The following STXBP5L variants were observed in gnomAD, a reference collection of about 807,000 sequenced individuals.
The protein encoded by STXBP5L is syntaxin binding protein 5L.
A neutral mutation model predicts 144.5 loss-of-function variants in STXBP5L; 65 were observed. That is an observed-to-expected ratio of 0.45 (90% CI 0.37 to 0.55). The LOEUF (loss-of-function observed/expected upper bound fraction) is 0.55, where lower values mean the gene tolerates loss of function less well. Ranked by LOEUF, STXBP5L falls within the 20% of genes least tolerant of loss-of-function variation. The pLI, the probability that STXBP5L is intolerant of heterozygous loss-of-function variation, is 0.00. For synonymous variants in STXBP5L, 505 were observed against 469.6 expected (o/e 1.08, Z -0.97); for missense variants, 1,298 against 1,405.5 (o/e 0.92, Z 1.22).
chr3:121,380,817 C>T (rs577017756), intron 21 of STXBP5L, among the ~76,000 whole-genome samples: 2 of 152,062 alleles, frequency 1.3e-5, no homozygotes, highest in Admixed American at 6.6e-5. Flanking sequence ...ATATGTTTGC[C>T]GCAGAAGATT....
chr3:121,193,445 C>A (rs533036540), intron 9 of STXBP5L, among the ~76,000 whole-genome samples: 1 of 150,546 alleles, frequency 6.6e-6, no homozygotes, highest in East Asian at 2.1e-4. Context: ...CTAGAAATAC[C>A]ATTTGACCCA....
At position 121,244,572 on chromosome 3, in the gene STXBP5L, C is replaced by T. The variant is rs142914360; in HGVS notation, c.1400+4065C>T. On this transcript the variant is annotated intron_variant, in intron 14 of 26. Transcript: ENST00000471454. ...GAGGAAAGAAATGGAAATTCAAATT[C>T]AAGAAGCTTAAACAAGTCCAATAAT... Among the ~76,000 whole-genome samples the T allele has an allele frequency of 3.1e-3, 464 of 151,950 alleles. 2 individuals carry two copies. Among genetic ancestry groups the T allele is most frequent in the Middle Eastern group, 0.01 (3 of 292 alleles).
At chr3:121,309,102 A>T (rs1202666624) in intron 19 of STXBP5L, among the ~76,000 whole-genome samples, 7 of 152,138 alleles carry the variant, frequency 4.6e-5, no homozygotes, top group Non-Finnish European at 8.8e-5. Context: ...GATCAAAAAA[A>T]AACATGAGAC....
chr3:121,058,257 A>C (rs1948592618), intron 5 of STXBP5L, among the ~76,000 whole-genome samples: 1 of 152,170 alleles, frequency 6.6e-6, no homozygotes, highest in South Asian at 2.1e-4. Context: ...TAGTTTGCTG[A>C]GAATCGTGGT....
chr3:121,023,119 G>A (rs1945681300), intron 3 of STXBP5L, among the ~76,000 whole-genome samples: 1 of 151,546 alleles, frequency 6.6e-6, no homozygotes. Flanking sequence ...ACCAAGTTGA[G>A]AATGAAATCA....
chr3:121,162,053 A>C (rs2108021705), intron 9 of STXBP5L, among the ~76,000 whole-genome samples: 1 of 152,296 alleles, frequency 6.6e-6, no homozygotes, highest in South Asian at 2.1e-4. Flanking sequence ...TACACAAAAC[A>C]AACAAAATAT....
At position 121,346,521 on chromosome 3, in the gene STXBP5L, C is replaced by T. The variant is rs561528079; in HGVS notation, c.2176+27981C>T. 8.9e-4 allele frequency among the ~76,000 whole-genome samples: 136 copies of T among 152,240 alleles called. No individual in the cohort carries two copies. In the Middle Eastern group the frequency reaches 0.01, roughly 11 times the overall value. On this transcript the variant is annotated intron_variant, in intron 20 of 26. Transcript: ENST00000471454. ...TTCTAGTACTAGATCCCTGAGGAAT[C>T]GCCACACTGTCTTCCACAATGGTTG...
chr3:121,238,272 G>T (rs1401567164), intron 12 of STXBP5L, among the ~76,000 whole-genome samples: 1 of 152,140 alleles, frequency 6.6e-6, no homozygotes, highest in Non-Finnish European at 1.5e-5. Context: ...ATGGTGAAAG[G>T]TGAAGCGGGG....
At chr3:120,980,564 C>T (rs1224033038) in intron 3 of STXBP5L, among the ~76,000 whole-genome samples, 1 of 150,084 alleles carries the variant, frequency 6.7e-6, no homozygotes, top group Non-Finnish European at 1.5e-5. Flanking sequence ...ATATCTGTTT[C>T]TACTTTTTGA....
At chr3:121,336,929 A>G (rs1488177445) in intron 20 of STXBP5L, among the ~76,000 whole-genome samples, 1 of 152,194 alleles carries the variant, frequency 6.6e-6, no homozygotes, top group African/African-American at 2.4e-5. Flanking sequence ...CATAAAAAAG[A>G]ATGAGATCAT....
intron 7 of STXBP5L, among the ~76,000 whole-genome samples, chr3:121,125,981 TC>T (rs2044687729): frequency 6.6e-6 from 1 of 152,162 alleles, no homozygotes; most frequent in South Asian, 2.1e-4. Flanking sequence ...TTTGGAGATT[TC>T]TTGCAAGACC....
At chr3:121,084,976 T>A (rs1476092444) in intron 5 of STXBP5L, among the ~76,000 whole-genome samples, 1 of 151,154 alleles carries the variant, frequency 6.6e-6, no homozygotes, top group Non-Finnish European at 1.5e-5. Flanking sequence ...TGATGTTGAC[T>A]TTTTTTTTCA....
chr3:121,350,669 T>G (rs1198000366), intron 20 of STXBP5L, among the ~76,000 whole-genome samples: 3 of 152,168 alleles, frequency 2.0e-5, no homozygotes, highest in Non-Finnish European at 2.9e-5. Context: ...TTTTTATTCT[T>G]TTTTTCGTTA....
chr3:121,313,724 G>A (rs1310313216), intron 19 of STXBP5L, among the ~76,000 whole-genome samples: 6 of 94,144 alleles, frequency 6.4e-5, no homozygotes, highest in African/African-American at 1.1e-4. Flanking sequence ...GCGGCTGGCC[G>A]GGCGGGGGGC....
At chr3:121,296,843 C>G (rs1025718930) in intron 19 of STXBP5L, among the ~76,000 whole-genome samples, 3 of 152,096 alleles carry the variant, frequency 2.0e-5, no homozygotes, top group Non-Finnish European at 4.4e-5. Flanking sequence ...TGCCACTAAA[C>G]CCTCACCAAT....
At chr3:121,268,989 A>G (rs917037971) in intron 18 of STXBP5L, among the ~76,000 whole-genome samples, 2 of 152,060 alleles carry the variant, frequency 1.3e-5, no homozygotes, top group African/African-American at 2.4e-5. Flanking sequence ...ATAATTTCTC[A>G]ATTTCACCCT....
At chr3:120,925,295 C>T (rs563116313) in intron 2 of STXBP5L, 13 of 152,264 alleles carry the variant, frequency 8.5e-5, no homozygotes, top group African/African-American at 3.1e-4. Context: ...CAGTATACCT[C>T]TCTTTCTAGA....
At chr3:121,015,216 C>G (rs1032304060) in intron 3 of STXBP5L, among the ~76,000 whole-genome samples, 8 of 152,030 alleles carry the variant, frequency 5.3e-5, no homozygotes, top group African/African-American at 1.4e-4. Context: ...GTTGACCCAG[C>G]TAGGGATTAA....
chr3:121,118,236 G>A (rs963319539), intron 6 of STXBP5L, among the ~76,000 whole-genome samples: 1 of 151,624 alleles, frequency 6.6e-6, no homozygotes. Flanking sequence ...ATATAATATG[G>A]CAATTCCATA....
Sources: allele counts gnomAD v4.1 joint callset (sites outside exome capture counted in the v4.1 genomes callset), GRCh38; gene constraint gnomAD v4.1.1; transcripts MANE v1.5; gene names NCBI Gene and HGNC (gene_info 2026-07-23, HGNC 2026-07-21).